Variants in ME3 observed in about 807,000 individuals in gnomAD.
The protein encoded by ME3 is NADP-dependent malic enzyme, mitochondrial.
Under a neutral mutation model 68.9 loss-of-function variants are expected in ME3, and 48 were observed. That is an observed-to-expected ratio of 0.70 (90% CI 0.55 to 0.89). The LOEUF (loss-of-function observed/expected upper bound fraction) is 0.89, where lower values mean the gene tolerates loss of function less well. Among genes scored for constraint, ME3 ranks in the 40% least tolerant of loss-of-function variants. ME3 has a pLI of 0.00. For synonymous variants in ME3, 320 were observed against 318.8 expected (o/e 1.00, Z -0.04); for missense variants, 675 against 797.4 (o/e 0.85, Z 1.85).
chr11:86,626,238 A>C (rs1407792793), intron 2 of ME3, among the ~76,000 whole-genome samples: 1 of 152,216 alleles, frequency 6.6e-6, no homozygotes, highest in Non-Finnish European at 1.5e-5. Context: ...AAGAGAGTAC[A>C]ATAGTGAGAG....
downstream of ME3, among the ~76,000 whole-genome samples, chr11:86,437,617 T>G (rs1220942672): frequency 2.0e-5 from 3 of 152,208 alleles, no homozygotes; most frequent in Non-Finnish European, 2.9e-5. Context: ...TCTCAATTTA[T>G]TTAGATCTTT....
chr11:86,576,303 A>G (rs937633034), intron 2 of ME3, among the ~76,000 whole-genome samples: 10 of 152,186 alleles, frequency 6.6e-5, no homozygotes, highest in Admixed American at 2.0e-4. Context: ...AGAAGTTGCC[A>G]CACAGATCTT....
At chr11:86,463,578 AG>A (rs1364400187) in intron 8 of ME3, among the ~76,000 whole-genome samples, 2 of 152,228 alleles carry the variant, frequency 1.3e-5, no homozygotes, top group Admixed American at 1.3e-4. Flanking sequence ...AAAGGCTGGC[AG>A]GGGGCACCAT....
At chr11:86,668,985 C>A (rs959856130) in intron 2 of ME3, among the ~76,000 whole-genome samples, 1 of 152,210 alleles carries the variant, frequency 6.6e-6, no homozygotes, top group African/African-American at 2.4e-5. Context: ...AACTGCACTT[C>A]CATTTTGCTT....
intron 7 of ME3, among the ~76,000 whole-genome samples, chr11:86,466,257 T>A (rs1475352978): frequency 6.6e-6 from 1 of 152,220 alleles, no homozygotes; most frequent in Non-Finnish European, 1.5e-5. Flanking sequence ...TTTGTTTGTG[T>A]CTTTAGCCTT....
intron 2 of ME3, among the ~76,000 whole-genome samples, chr11:86,652,890 A>T (rs1945558636): frequency 6.7e-6 from 1 of 150,292 alleles, no homozygotes; most frequent in South Asian, 2.1e-4. Context: ...AAATAAAGGG[A>T]TGAAGGAAGA....
intron 7 of ME3, among the ~76,000 whole-genome samples, chr11:86,466,358 A>C (rs1351855751): frequency 1.3e-5 from 2 of 152,240 alleles, no homozygotes; most frequent in African/African-American, 4.8e-5. Flanking sequence ...GTGGCTGAGT[A>C]ACAGCATCTG....
chr11:86,496,880 C>T (rs1257059602), intron 6 of ME3, among the ~76,000 whole-genome samples: 1 of 130,262 alleles, frequency 7.7e-6, no homozygotes, highest in African/African-American at 2.9e-5. Context: ...TTTATAAGTG[C>T]GTGGAAAAAA....
chr11:86,527,078 G>A (rs1432430135), intron 4 of ME3, among the ~76,000 whole-genome samples: 1 of 152,182 alleles, frequency 6.6e-6, no homozygotes, highest in Non-Finnish European at 1.5e-5. Context: ...AGCTAAAGGA[G>A]GAAGTTCGAA....
At chr11:86,663,515 C>T (rs997610476) in intron 2 of ME3, among the ~76,000 whole-genome samples, 1 of 152,150 alleles carries the variant, frequency 6.6e-6, no homozygotes, top group African/African-American at 2.4e-5. Flanking sequence ...AGTCGGATAC[C>T]ACCCCCAAAG....
chr11:86,535,304 A>G (rs1299863210), intron 4 of ME3, among the ~76,000 whole-genome samples: 1 of 152,104 alleles, frequency 6.6e-6, no homozygotes, highest in Non-Finnish European at 1.5e-5. Flanking sequence ...CCAACATCAC[A>G]TCTATGTCGT....
intron 4 of ME3, among the ~76,000 whole-genome samples, chr11:86,546,772 T>C (rs796321103): frequency 1.7e-4 from 26 of 152,290 alleles, no homozygotes; most frequent in African/African-American, 6.3e-4. Flanking sequence ...TCCTCGAAGA[T>C]GTAGAACCAG....
At chr11:86,630,459 CAG>C (rs1393007942) in intron 2 of ME3, among the ~76,000 whole-genome samples, 17 of 152,292 alleles carry the variant, frequency 1.1e-4, no homozygotes, top group Admixed American at 9.1e-4. Flanking sequence ...TTCCATGAAA[CAG>C]AGCACCGGGA....
At chr11:86,521,012 G>C (rs1188566062) in intron 4 of ME3, among the ~76,000 whole-genome samples, 1 of 152,154 alleles carries the variant, frequency 6.6e-6, no homozygotes, top group Admixed American at 6.5e-5. Flanking sequence ...ACAGACCTGG[G>C]TTCAAAGCCC....
chr11:86,536,342 A>T (rs1051707755), intron 4 of ME3, among the ~76,000 whole-genome samples: 12 of 146,648 alleles, frequency 8.2e-5, no homozygotes, highest in Non-Finnish European at 1.6e-4. Context: ...ATCAGAGTGA[A>T]CAGGCAACCT....
At chr11:86,540,163 G>T (rs1955948289) in intron 4 of ME3, among the ~76,000 whole-genome samples, 1 of 152,234 alleles carries the variant, frequency 6.6e-6, no homozygotes, top group Non-Finnish European at 1.5e-5. Flanking sequence ...GGCCATACAG[G>T]GAATAGAGGC....
intron 2 of ME3, among the ~76,000 whole-genome samples, chr11:86,651,775 C>A (rs962727377): frequency 1.3e-5 from 2 of 152,184 alleles, no homozygotes; most frequent in African/African-American, 4.8e-5. Flanking sequence ...GAGGAGAAGG[C>A]TTCAGATGAT....
rs140127621 is a variant in ME3 at position 86,619,014 on chromosome 11, C to A, written c.183+52748G>T. On this transcript the variant is annotated intron_variant, in intron 2 of 14. Transcript: ENST00000543262. ...ATAAGCCACCGTGCCTGGCCAAGAT[C>A]TGGTCATTTCTAAGTGTGTGGCACC... Among the ~76,000 whole-genome samples the A allele has an allele frequency of 9.9e-4, 151 of 152,238 alleles. 1 individual carries two copies. The highest frequency in any genetic ancestry group is 8.7e-3 in the East Asian group (45 of 5,170).
intron 4 of ME3, among the ~76,000 whole-genome samples, chr11:86,519,329 C>T (rs748281478): frequency 1.3e-5 from 2 of 152,054 alleles, no homozygotes; most frequent in African/African-American, 2.4e-5. Flanking sequence ...TTCAGTTACA[C>T]GAGAGAGAAA....
Sources: gnomAD v4.1 joint callset for allele counts (sites outside exome capture counted in the v4.1 genomes callset) on GRCh38, gnomAD v4.1.1 for gene constraint, MANE v1.5 for transcripts, NCBI Gene and HGNC (gene_info 2026-07-23, HGNC 2026-07-21) for gene names.